The following CCDC170 variants were observed in gnomAD, a reference collection of about 807,000 sequenced individuals.
The protein encoded by CCDC170 is coiled-coil domain-containing protein 170.
Under a neutral mutation model 72.6 loss-of-function variants are expected in CCDC170, and 69 were observed. The ratio of observed to expected loss-of-function variants is 0.95; its 90% CI spans 0.78 to 1.16. The LOEUF (loss-of-function observed/expected upper bound fraction) is 1.16. CCDC170 is among the 50% of genes most tolerant of loss of function. CCDC170 has a pLI of 0.00. For missense variants in CCDC170, 852 were observed against 832.5 expected (o/e 1.02, Z -0.29); for synonymous variants, 300 against 303.9 (o/e 0.99, Z 0.13).
intron 1 of CCDC170, among the ~76,000 whole-genome samples, chr6:151,524,768 C>T (rs535231829): frequency 6.6e-6 from 1 of 152,126 alleles, no homozygotes; most frequent in Non-Finnish European, 1.5e-5. Context: ...TTTCAATGTG[C>T]CTATACACAT....
At chr6:151,553,378 A>C (rs192668688) in intron 5 of CCDC170, among the ~76,000 whole-genome samples, 1 of 152,306 alleles carries the variant, frequency 6.6e-6, no homozygotes, top group East Asian at 1.9e-4. Context: ...ACTATTTATT[A>C]GTCAGTGGAA....
chr6:151,562,741 T>C (rs1776061289), intron 5 of CCDC170, among the ~76,000 whole-genome samples: 1 of 152,126 alleles, frequency 6.6e-6, no homozygotes, highest in South Asian at 2.1e-4. Flanking sequence ...GTCCAGTAAA[T>C]GGTGCTTAAG....
At chr6:151,499,157 T>C (rs1219031868) in intron 1 of CCDC170, among the ~76,000 whole-genome samples, 1 of 141,446 alleles carries the variant, frequency 7.1e-6, no homozygotes. Flanking sequence ...AGGCACGCTG[T>C]ATAAGTGGAA....
chr6:151,566,416 T>C (rs1776137626), intron 5 of CCDC170, among the ~76,000 whole-genome samples: 1 of 152,154 alleles, frequency 6.6e-6, no homozygotes, highest in African/African-American at 2.4e-5. Flanking sequence ...TGGGGAAGAA[T>C]ACTTTTTTCC....
intron 1 of CCDC170, among the ~76,000 whole-genome samples, chr6:151,505,601 G>T (rs1482908014): frequency 6.6e-6 from 1 of 151,882 alleles, no homozygotes; most frequent in Admixed American, 6.6e-5. Flanking sequence ...GGAGAATGGC[G>T]TGAACCCGGG....
At chr6:151,616,562 T>G (rs1484438197) in intron 10 of CCDC170, among the ~76,000 whole-genome samples, 1 of 151,984 alleles carries the variant, frequency 6.6e-6, no homozygotes, top group Non-Finnish European at 1.5e-5. Context: ...GAAAGGAAAC[T>G]TCTTCGGAAT....
intron 5 of CCDC170, among the ~76,000 whole-genome samples, chr6:151,563,252 T>C (rs2115075975): frequency 6.6e-6 from 1 of 152,296 alleles, no homozygotes; most frequent in South Asian, 2.1e-4. Context: ...CAAGTATGTG[T>C]TCACTGGCCC....
intron 6 of CCDC170, among the ~76,000 whole-genome samples, chr6:151,581,511 T>C (rs1776379143): frequency 6.6e-6 from 1 of 152,192 alleles, no homozygotes; most frequent in Non-Finnish European, 1.5e-5. Flanking sequence ...ACATCTGCAG[T>C]TACTTCCTCC....
intron 1 of CCDC170, among the ~76,000 whole-genome samples, chr6:151,520,258 C>T (rs1414052527): frequency 6.6e-6 from 1 of 152,188 alleles, no homozygotes; most frequent in African/African-American, 2.4e-5. Context: ...GAGGGAGAAA[C>T]AGGGGTTGCT....
intron 5 of CCDC170, among the ~76,000 whole-genome samples, chr6:151,549,837 C>T (rs1289724118): frequency 6.6e-6 from 1 of 152,128 alleles, no homozygotes; most frequent in Non-Finnish European, 1.5e-5. Flanking sequence ...ATATGTTTCT[C>T]TTTTTATTTA....
At chr6:151,505,240 G>A (rs1467094033) in intron 1 of CCDC170, among the ~76,000 whole-genome samples, 2 of 152,120 alleles carry the variant, frequency 1.3e-5, no homozygotes, top group Non-Finnish European at 2.9e-5. Flanking sequence ...CAGCTGGAGT[G>A]TTTATGCCCA....
chr6:151,613,695 A>G (rs888680498), intron 9 of CCDC170, among the ~76,000 whole-genome samples: 3 of 152,184 alleles, frequency 2.0e-5, no homozygotes, highest in African/African-American at 7.2e-5. Context: ...CTGCTGAATG[A>G]TATTCCATTG....
chr6:151,566,847 G>T (rs1294562985), intron 5 of CCDC170, among the ~76,000 whole-genome samples: 1 of 152,184 alleles, frequency 6.6e-6, no homozygotes, highest in East Asian at 1.9e-4. Context: ...ACAATCAGCT[G>T]CTTCTTGCTA....
chr6:151,610,322 C>A (rs1193658391), intron 9 of CCDC170, among the ~76,000 whole-genome samples: 1 of 152,150 alleles, frequency 6.6e-6, no homozygotes, highest in Non-Finnish European at 1.5e-5. Flanking sequence ...ATCAATACTT[C>A]CCTTTCCCAA....
At chr6:151,594,493 T>C (rs1332122987) in intron 8 of CCDC170, among the ~76,000 whole-genome samples, 2 of 152,198 alleles carry the variant, frequency 1.3e-5, no homozygotes, top group Non-Finnish European at 2.9e-5. Context: ...ATTAGAGACA[T>C]TAAATTCAGC....
intron 1 of CCDC170, among the ~76,000 whole-genome samples, chr6:151,526,722 C>T (rs1027404770): frequency 9.2e-5 from 14 of 151,766 alleles, no homozygotes; most frequent in African/African-American, 3.4e-4. Context: ...CCATTTTAGG[C>T]CTTAATTGCC....
intron 1 of CCDC170, among the ~76,000 whole-genome samples, chr6:151,508,084 C>T (rs577500031): frequency 1.3e-5 from 2 of 152,326 alleles, no homozygotes; most frequent in South Asian, 4.1e-4. Context: ...CAACAGTCTT[C>T]AGTCTCCCTA....
At chr6:151,574,726 T>C (rs938815874) in intron 6 of CCDC170, among the ~76,000 whole-genome samples, 1 of 152,304 alleles carries the variant, frequency 6.6e-6, no homozygotes, top group Non-Finnish European at 1.5e-5. Flanking sequence ...AAATGAGTTA[T>C]GAAAAAACCT....
chr6:151,601,899 A>C (rs146178417), intron 9 of CCDC170, among the ~76,000 whole-genome samples: 50 of 152,360 alleles, frequency 3.3e-4, no homozygotes, highest in Non-Finnish European at 6.3e-4. Context: ...GTTGATACAT[A>C]AAATTAACCA....
Sources: allele counts gnomAD v4.1 joint callset (sites outside exome capture counted in the v4.1 genomes callset), GRCh38; gene constraint gnomAD v4.1.1; transcripts MANE v1.5; gene names NCBI Gene and HGNC (gene_info 2026-07-23, HGNC 2026-07-21).